Variants in STK32B observed in about 807,000 individuals in gnomAD.
STK32B encodes serine/threonine kinase 32B.
A neutral mutation model predicts 52.6 loss-of-function variants in STK32B; 43 were observed. The observed-to-expected ratio is 0.82, with a 90% CI of 0.64 to 1.05. STK32B has a LOEUF of 1.05. Ranked by LOEUF, STK32B falls within the 50% of genes least tolerant of loss-of-function variation. The pLI is 0.00. For synonymous variants in STK32B, 238 were observed against 204.3 expected, an observed-to-expected ratio of 1.17 and a Z score of -1.41; for missense variants, 621 against 534.6, an observed-to-expected ratio of 1.16 and a Z score of -1.59.
intron 9 of STK32B, among the ~76,000 whole-genome samples, chr4:5,463,557 C>T (rs1441087456): frequency 6.6e-6 from 1 of 152,132 alleles, no homozygotes; most frequent in Non-Finnish European, 1.5e-5. Flanking sequence ...CACACAGTCT[C>T]ACACACATAC....
At chr4:5,100,680 TCTTA>T (rs1323971168) in intron 1 of STK32B, among the ~76,000 whole-genome samples, 419 of 19,542 alleles carry the variant, frequency 0.021, 5 homozygotes, top group African/African-American at 0.074. Context: ...TTCTTTCCTT[TCTTA>T]CTTTCTTTCT....
At chr4:5,455,362 A>G (rs1466089684) in intron 7 of STK32B, among the ~76,000 whole-genome samples, 3 of 152,244 alleles carry the variant, frequency 2.0e-5, no homozygotes, top group Non-Finnish European at 4.4e-5. Context: ...TCCAATGACC[A>G]CAACCTGGGA....
chr4:5,339,870 C>G (rs1732959287), intron 4 of STK32B, among the ~76,000 whole-genome samples: 1 of 152,160 alleles, frequency 6.6e-6, no homozygotes, highest in African/African-American at 2.4e-5. Context: ...TTAGACGCCT[C>G]ATACTTATTT....
intron 3 of STK32B, among the ~76,000 whole-genome samples, chr4:5,300,129 T>A (rs1729461746): frequency 6.6e-6 from 1 of 152,216 alleles, no homozygotes; most frequent in Non-Finnish European, 1.5e-5. Flanking sequence ...GCATGGATGA[T>A]ATGCAAATCA....
intron 3 of STK32B, among the ~76,000 whole-genome samples, chr4:5,257,371 ATGAGTGAATGAG>A (rs983552309): frequency 2.6e-5 from 4 of 151,942 alleles, no homozygotes; most frequent in East Asian, 1.9e-4. Context: ...GAGTAAGTGA[ATGAGTGAATGAG>A]TGAGTGAATG....
intron 2 of STK32B, among the ~76,000 whole-genome samples, chr4:5,145,925 A>G (rs758621872): frequency 2.6e-5 from 4 of 152,228 alleles, no homozygotes; most frequent in Non-Finnish European, 5.9e-5. Context: ...TCACCAAAAC[A>G]TACTCAATTC....
chr4:5,125,419 C>T (rs893371574), intron 1 of STK32B, among the ~76,000 whole-genome samples: 1 of 152,202 alleles, frequency 6.6e-6, no homozygotes, highest in Non-Finnish European at 1.5e-5. Context: ...ATAGGTCCCT[C>T]CAGCCCCCCT....
intron 3 of STK32B, among the ~76,000 whole-genome samples, chr4:5,277,836 C>T (rs759993800): frequency 9.9e-5 from 15 of 152,082 alleles, no homozygotes; most frequent in Non-Finnish European, 2.1e-4. Context: ...TAATCTGGTC[C>T]TTTGGAATAT....
At chr4:5,229,140 C>T (rs1247945846) in intron 3 of STK32B, among the ~76,000 whole-genome samples, 1 of 151,494 alleles carries the variant, frequency 6.6e-6, no homozygotes, top group Non-Finnish European at 1.5e-5. Flanking sequence ...TTGCTTGACA[C>T]AGGGTTGCCA....
intron 1 of STK32B, among the ~76,000 whole-genome samples, chr4:5,057,558 G>C (rs1388998583): frequency 6.6e-6 from 1 of 152,102 alleles, no homozygotes; most frequent in African/African-American, 2.4e-5. Flanking sequence ...GATCGTAAAG[G>C]GGCCTAGAGC....
chr4:5,190,524 T>A (rs1388698318), intron 3 of STK32B, among the ~76,000 whole-genome samples: 1 of 152,118 alleles, frequency 6.6e-6, no homozygotes, highest in Admixed American at 6.5e-5. Flanking sequence ...ATTCAACACA[T>A]TAAGCACCTA....
chr4:5,077,885 AAAT>A (rs1297874085), intron 1 of STK32B, among the ~76,000 whole-genome samples: 1 of 152,168 alleles, frequency 6.6e-6, no homozygotes, highest in East Asian at 1.9e-4. Flanking sequence ...AAAAGGCAAC[AAAT>A]AATAACTTAA....
intron 11 of STK32B, among the ~76,000 whole-genome samples, chr4:5,495,760 G>T (rs1262257597): frequency 1.3e-5 from 2 of 152,166 alleles, no homozygotes; most frequent in South Asian, 4.2e-4. Flanking sequence ...TTTTGGTGTG[G>T]ATGTCCTTTC....
chr4:5,123,539 C>G (rs1387094696), intron 1 of STK32B, among the ~76,000 whole-genome samples: 3 of 152,246 alleles, frequency 2.0e-5, no homozygotes, highest in Admixed American at 1.3e-4. Context: ...GTTCTGGAGG[C>G]AACAAGTCTG....
intron 1 of STK32B, among the ~76,000 whole-genome samples, chr4:5,059,040 C>T (rs1742115973): frequency 6.9e-6 from 1 of 143,928 alleles, no homozygotes; most frequent in Admixed American, 7.1e-5. Context: ...CGTGAGCCAC[C>T]ACGCCCAGCT....
At chr4:5,327,500 T>A (rs1731958739) in intron 3 of STK32B, among the ~76,000 whole-genome samples, 1 of 151,972 alleles carries the variant, frequency 6.6e-6, no homozygotes. Flanking sequence ...AAAACAACAT[T>A]AATCTTGTAC....
rs1232153535 is a variant in STK32B at position 5,399,249 on chromosome 4, C to A, written c.472+1005C>A. On this transcript the variant is annotated intron_variant, in intron 5 of 11. Transcript: ENST00000282908. This position sits in a 1 kb window ranked among gnomAD's most constrained non-coding sequence, Gnocchi z 5.4. ...TTCTTCTGAAGTAGGGATTCTCATC[C>A]CTGCTGAGGCCTTCAGGGATGAATG... Among the ~76,000 whole-genome samples the A allele has an allele frequency of 6.6e-6, 1 of 151,318 alleles. No individual in the cohort carries two copies. Among genetic ancestry groups the A allele is most frequent in the Non-Finnish European group, 1.5e-5 (1 of 67,458 alleles).
At chr4:5,390,347 T>G (rs1560375140) in intron 4 of STK32B, among the ~76,000 whole-genome samples, 1 of 152,222 alleles carries the variant, frequency 6.6e-6, no homozygotes, top group Non-Finnish European at 1.5e-5. Context: ...CGACAGGAGC[T>G]GCAGAATTTC....
intron 3 of STK32B, among the ~76,000 whole-genome samples, chr4:5,191,256 CT>C (rs11288646): frequency 0.12 from 17,355 of 145,790 alleles, 1,183 homozygotes; most frequent in Middle Eastern, 0.22. Flanking sequence ...TCCTGCATTC[CT>C]TTTTTTTTTT....
Sources: gnomAD v4.1 joint callset for allele counts (sites outside exome capture counted in the v4.1 genomes callset) on GRCh38, gnomAD v4.1.1 for gene constraint, Gnocchi (gnomAD v3.1) non-coding constraint, MANE v1.5 for transcripts, NCBI Gene and HGNC (gene_info 2026-07-23, HGNC 2026-07-21) for gene names.